CTNNA2: variants seen among roughly 807,000 people sequenced by gnomAD.
CTNNA2 encodes the protein catenin alpha-2.
A neutral mutation model predicts 101.0 loss-of-function variants in CTNNA2; 42 were observed. That is an observed-to-expected ratio of 0.42 (90% CI 0.32 to 0.54). The LOEUF is 0.54. Ranked by LOEUF, CTNNA2 falls within the 20% of genes least tolerant of loss-of-function variation. The pLI is 0.14. For synonymous variants in CTNNA2, 450 were observed against 456.4 expected, an observed-to-expected ratio of 0.99 and a Z score of 0.18; for missense variants, 871 against 1,223.1, an observed-to-expected ratio of 0.71 and a Z score of 4.29.
intron 9 of CTNNA2, among the ~76,000 whole-genome samples, chr2:80,469,606 T>C (rs1032597709): frequency 3.9e-5 from 6 of 152,174 alleles, no homozygotes; most frequent in Non-Finnish European, 1.5e-5. Flanking sequence ...AAATAGGAAG[T>C]TGGCTTCTAG....
chr2:80,487,203 C>T (rs1295943620), intron 9 of CTNNA2, among the ~76,000 whole-genome samples: 2 of 151,164 alleles, frequency 1.3e-5, no homozygotes, highest in East Asian at 1.9e-4. Flanking sequence ...ATCGCTTGAA[C>T]CCAGGAGGCA....
At chr2:80,645,722 A>G (rs2149868990) in intron 18 of CTNNA2, among the ~76,000 whole-genome samples, 1 of 150,822 alleles carries the variant, frequency 6.6e-6, no homozygotes, top group Non-Finnish European at 1.5e-5. Context: ...TGAATAACCT[A>G]GAGTTTGCTT....
rs1697606501 is a variant in CTNNA2 at position 80,061,636 on chromosome 2, A to G, written c.1056+151839A>G. The stretch of plus-strand genomic sequence containing the variant: ...ATATCTGCCCCTGTCCAAGTCCATA[A>G]AGTTGAATACTTCCTTTTTTGTTCA... On this transcript the variant is annotated intron_variant, in intron 7 of 18. Coordinates refer to ENST00000402739, the MANE Select transcript of CTNNA2 (RefSeq NM_001282597.3). 2.0e-5 allele frequency among the ~76,000 whole-genome samples: 3 copies of G among 152,272 alleles called. No homozygotes were observed. The South Asian group carries it at 6.2e-4, about 32-fold the overall frequency.
At chr2:79,288,171 C>G (rs528628884) in intron 2 of CTNNA2, among the ~76,000 whole-genome samples, 2 of 152,216 alleles carry the variant, frequency 1.3e-5, no homozygotes, top group Admixed American at 6.5e-5. Context: ...GAGATGAACC[C>G]GGTACCTCAC....
At chr2:79,428,378 T>A (rs544802182) in intron 4 of CTNNA2, among the ~76,000 whole-genome samples, 1 of 152,224 alleles carries the variant, frequency 6.6e-6, no homozygotes, top group South Asian at 2.1e-4. Context: ...GTATTTTTCT[T>A]CTAATGCTTC....
intron 7 of CTNNA2, among the ~76,000 whole-genome samples, chr2:80,085,166 G>A (rs1699364850): frequency 6.6e-6 from 1 of 152,038 alleles, no homozygotes; most frequent in Non-Finnish European, 1.5e-5. Flanking sequence ...TGCAGCAGAT[G>A]CCTTCTTAAT....
intron 3 of CTNNA2, among the ~76,000 whole-genome samples, chr2:79,756,154 C>T (rs1427143053): frequency 6.6e-6 from 1 of 151,642 alleles, no homozygotes; most frequent in African/African-American, 2.4e-5. Flanking sequence ...CACCTGACCT[C>T]TCTTTCTGGA....
At chr2:79,195,616 T>C (rs1210592562) in intron 1 of CTNNA2, among the ~76,000 whole-genome samples, 1 of 152,148 alleles carries the variant, frequency 6.6e-6, no homozygotes, top group African/African-American at 2.4e-5. Flanking sequence ...ATCAGAAGAA[T>C]GAAAATCAGA....
At chr2:80,512,799 C>G (rs948642345) in intron 9 of CTNNA2, among the ~76,000 whole-genome samples, 2 of 151,636 alleles carry the variant, frequency 1.3e-5, no homozygotes, top group Non-Finnish European at 2.9e-5. Flanking sequence ...ATTCTTTCCC[C>G]GTAATCACCT....
intron 4 of CTNNA2, among the ~76,000 whole-genome samples, chr2:79,417,288 TC>T (rs1678494956): frequency 6.6e-6 from 1 of 152,162 alleles, no homozygotes; most frequent in South Asian, 2.1e-4. Context: ...AGTTCTCATC[TC>T]AGCCCAGGAG....
intron 2 of CTNNA2, among the ~76,000 whole-genome samples, chr2:79,690,629 C>G (rs10194054): frequency 0.14 from 20,808 of 151,770 alleles, 1,741 homozygotes; most frequent in East Asian, 0.46. Context: ...AGTAGATCAG[C>G]TAGGTATGTA....
chr2:79,600,755 T>C (rs1245957653), intron 1 of CTNNA2, among the ~76,000 whole-genome samples: 1 of 152,156 alleles, frequency 6.6e-6, no homozygotes, highest in Non-Finnish European at 1.5e-5. Context: ...ATGGAGGCTG[T>C]TAAGGCCAAG....
chr2:79,458,093 T>G (rs1009803802), intron 4 of CTNNA2, among the ~76,000 whole-genome samples: 12 of 152,274 alleles, frequency 7.9e-5, no homozygotes, highest in African/African-American at 2.2e-4. Flanking sequence ...TTCCATAGAA[T>G]TAAGCATCTC....
Position 80,302,723 on chromosome 2 carries a change from C to A in CTNNA2, c.1057-90488C>A. On this transcript the variant is annotated intron_variant, in intron 7 of 18. Coordinates refer to ENST00000402739, the MANE Select transcript of CTNNA2 (RefSeq NM_001282597.3). This position sits in a 1 kb window ranked among gnomAD's most constrained non-coding sequence, Gnocchi z 6.4. ...CAGGTGGCCGCTGGTGGGCTCGGCC[C>A]CATCCTCGCACAGGTGGAAGGCGTA... The A allele has an allele frequency of 6.2e-7, 1 of 1,612,970 alleles. No homozygotes were observed. The highest frequency in any genetic ancestry group is 8.5e-7 in the Non-Finnish European group (1 of 1,179,848).
intron 2 of CTNNA2, among the ~76,000 whole-genome samples, chr2:79,244,289 T>C (rs1379261893): frequency 6.6e-6 from 1 of 152,256 alleles, no homozygotes; most frequent in Non-Finnish European, 1.5e-5. Context: ...TCCGTCTCAT[T>C]GCTGCTGTGT....
At chr2:79,689,099 G>A (rs1443416614) in intron 2 of CTNNA2, among the ~76,000 whole-genome samples, 1 of 151,452 alleles carries the variant, frequency 6.6e-6, no homozygotes, top group Admixed American at 6.6e-5. Context: ...TACAAGATAT[G>A]GCCTGTTCAT....
chr2:80,205,286 AC>A (rs1374407723), intron 7 of CTNNA2, among the ~76,000 whole-genome samples: 1 of 152,206 alleles, frequency 6.6e-6, no homozygotes, highest in African/African-American at 2.4e-5. Flanking sequence ...AAGAAAAAAA[AC>A]CATACACACA....
chr2:80,537,398 T>C (rs1449963734), intron 9 of CTNNA2, among the ~76,000 whole-genome samples: 2 of 152,146 alleles, frequency 1.3e-5, no homozygotes, highest in Non-Finnish European at 2.9e-5. Context: ...TGTGCATGTG[T>C]CTTTATAGTA....
chr2:80,029,115 CT>C (rs1219740371), intron 7 of CTNNA2, among the ~76,000 whole-genome samples: 1 of 152,148 alleles, frequency 6.6e-6, no homozygotes, highest in African/African-American at 2.4e-5. Flanking sequence ...CCCAATTTAT[CT>C]TTTTTGAGGT....
Sources: gnomAD v4.1 joint callset for allele counts (sites outside exome capture counted in the v4.1 genomes callset) on GRCh38, gnomAD v4.1.1 for gene constraint, Gnocchi (gnomAD v3.1) non-coding constraint, MANE v1.5 for transcripts, NCBI Gene and HGNC (gene_info 2026-07-23, HGNC 2026-07-21) for gene names.